The following AGMO variants were observed in gnomAD, a reference collection of about 807,000 sequenced individuals.
AGMO encodes the protein glyceryl-ether monooxygenase.
AGMO carries 75 observed loss-of-function variants against 60.2 expected under a neutral mutation model. That is an observed-to-expected ratio of 1.25 (90% CI 1.03 to 1.51). The LOEUF is 1.51. Among genes scored for constraint, AGMO ranks in the 40% most tolerant of loss-of-function variants. The probability of loss-of-function intolerance (pLI) is 0.00; values close to 1 mark genes in which losing one functional copy is unlikely to be tolerated. For missense variants in AGMO, 763 were observed against 525.5 expected (o/e 1.45, Z -4.42); for synonymous variants, 261 against 177.1 (o/e 1.47, Z -3.76).
intron 4 of AGMO, among the ~76,000 whole-genome samples, chr7:15,420,841 C>A (rs1230701986): frequency 1.3e-5 from 2 of 152,150 alleles, no homozygotes; most frequent in Non-Finnish European, 2.9e-5. Context: ...AAACCCATGT[C>A]ATTCTGACTC....
At chr7:15,290,187 C>T (rs889858603) in intron 12 of AGMO, among the ~76,000 whole-genome samples, 1 of 151,694 alleles carries the variant, frequency 6.6e-6, no homozygotes, top group Non-Finnish European at 1.5e-5. Flanking sequence ...GCGCCACACA[C>T]CTGGCTAATT....
chr7:15,429,961 G>C (rs934132168), intron 4 of AGMO, among the ~76,000 whole-genome samples: 11 of 151,398 alleles, frequency 7.3e-5, no homozygotes, highest in African/African-American at 2.7e-4. Flanking sequence ...AGAGCATTTA[G>C]AATGCAGAGA....
chr7:15,271,643 T>C (rs1040816466), intron 12 of AGMO, among the ~76,000 whole-genome samples: 6 of 152,172 alleles, frequency 3.9e-5, no homozygotes, highest in Admixed American at 6.5e-5. Context: ...CTTTTTCAAT[T>C]TGGATGCCTT....
chr7:15,144,884 C>T, the AGMO span, among the ~76,000 whole-genome samples: 1 of 152,330 alleles, frequency 6.6e-6, no homozygotes, highest in Non-Finnish European at 1.5e-5. Flanking sequence ...GGCTGGAGTG[C>T]AGTGGTGCGA....
At chr7:15,364,209 T>C (rs1782875157) in intron 12 of AGMO, among the ~76,000 whole-genome samples, 1 of 152,016 alleles carries the variant, frequency 6.6e-6, no homozygotes, top group Non-Finnish European at 1.5e-5. Context: ...AAGAATCTTC[T>C]GCTTCTTCCT....
At chr7:15,338,374 T>C (rs1225295136) in intron 12 of AGMO, among the ~76,000 whole-genome samples, 3 of 152,158 alleles carry the variant, frequency 2.0e-5, no homozygotes, top group Admixed American at 2.0e-4. Flanking sequence ...AGAAGGACAA[T>C]ATAATTGCAT....
chr7:15,352,692 A>G (rs1196406738), intron 12 of AGMO, among the ~76,000 whole-genome samples: 2 of 151,840 alleles, frequency 1.3e-5, no homozygotes, highest in Admixed American at 1.3e-4. Context: ...AGTCCCTGTC[A>G]TGTACTAGTG....
chr7:15,529,696 TTCCATATATACTATATATATACTATATAC>T (rs1784247435), intron 3 of AGMO, among the ~76,000 whole-genome samples: 1 of 103,782 alleles, frequency 9.6e-6, no homozygotes, highest in African/African-American at 3.7e-5. Context: ...AGAATATATA[TTCCATATATACTATATATATACTATATAC>T]TCTATATATA....
At position 15,354,480 on chromosome 7, in the gene AGMO, GTGTATATACACACGTGTATA is replaced by G. The variant is rs1563105852; in HGVS notation, c.1263+11014_1263+11033del. Among the ~76,000 whole-genome samples the G allele has an allele frequency of 1.1e-3, 19 of 17,452 alleles. 1 individual carries two copies. Among genetic ancestry groups the G allele is most frequent in the African/African-American group, 4.3e-3 (14 of 3,246 alleles). 11.4% of individuals were successfully genotyped at this position (17,452 alleles called of 152,430 possible). ...TACACACGTGTGTGTATACACACGT[GTGTATATACACACGTGTATA>G]TATATATATATATATATATATATAT... is the stretch of plus-strand genomic sequence containing the variant. On this transcript the variant is annotated intron_variant, in intron 12 of 12. Coordinates refer to ENST00000342526, the MANE Select transcript of AGMO (RefSeq NM_001004320.2).
chr7:15,403,389 C>A (rs1784606097), intron 5 of AGMO, among the ~76,000 whole-genome samples: 1 of 151,770 alleles, frequency 6.6e-6, no homozygotes, highest in Non-Finnish European at 1.5e-5. Flanking sequence ...TTCATTTATT[C>A]TCTGGTTATT....
At chr7:15,199,427 A>G (rs886872838), downstream of AGMO, among the ~76,000 whole-genome samples, 1 of 152,184 alleles carries the variant, frequency 6.6e-6, no homozygotes, top group African/African-American at 2.4e-5. Flanking sequence ...TATTAAACTC[A>G]TTTTTAGGCT....
chr7:15,349,980 T>C (rs1394639245), intron 12 of AGMO, among the ~76,000 whole-genome samples: 2 of 152,136 alleles, frequency 1.3e-5, no homozygotes, highest in Admixed American at 1.3e-4. Flanking sequence ...ATATCAAATG[T>C]GAACAAATGG....
chr7:15,236,636 T>A (rs1782429625), intron 12 of AGMO, among the ~76,000 whole-genome samples: 1 of 152,104 alleles, frequency 6.6e-6, no homozygotes, highest in Non-Finnish European at 1.5e-5. Flanking sequence ...ATGATATTAT[T>A]GAAAGATCTG....
chr7:15,330,814 T>TG (rs1781476655), intron 12 of AGMO, among the ~76,000 whole-genome samples: 1 of 151,584 alleles, frequency 6.6e-6, no homozygotes. Flanking sequence ...CTCTCCTTAT[T>TG]TTTTTTTAAT....
At chr7:15,244,588 C>G (rs950625742) in intron 12 of AGMO, among the ~76,000 whole-genome samples, 1 of 152,222 alleles carries the variant, frequency 6.6e-6, no homozygotes, top group East Asian at 1.9e-4. Context: ...GAGACCAGTA[C>G]TTCTTTTCTG....
At chr7:15,188,571 A>G in the AGMO span, among the ~76,000 whole-genome samples, 1 of 152,234 alleles carries the variant, frequency 6.6e-6, no homozygotes, top group Admixed American at 6.5e-5. Context: ...TGTGGTTAGT[A>G]TAATGAGACT....
chr7:15,365,614 T>C lies in AGMO; in HGVS notation c.1163A>G (p.Lys388Arg), dbSNP rs753822252. ...ACGGAGAGTTTCCATAATAGCTGCCTTGGGTCTGAAATAAAATGTCATTAA... is the reference window on the plus strand; with the variant it reads ...ACGGAGAGTTTCCATAATAGCTGCCCTGGGTCTGAAATAAAATGTCATTAA... Reference protein sequence around the residue: ...SIGFLLDQRPKAAIMETLRCL... With the variant: ...SIGFLLDQRPRAAIMETLRCL... The change falls in exon 12 of 13, where the codon AAG becomes AGG. Residue 388 changes from lysine to arginine, a missense_variant. Transcript: ENST00000342526. 108 of 1,611,222 alleles carry C rather than the reference T, an allele frequency of 6.7e-5. 3 individuals carry two copies. In the South Asian group the frequency reaches 1.1e-3, roughly 17 times the overall value.
chr7:15,185,845 A>G, the AGMO span, among the ~76,000 whole-genome samples: 1 of 152,224 alleles, frequency 6.6e-6, no homozygotes, highest in Non-Finnish European at 1.5e-5. Flanking sequence ...TTGGCCTAGA[A>G]TCAAAATTAA....
At chr7:15,365,397 A>AAAAAAAAAAAAAATT in intron 12 of AGMO, 117 bp downstream of exon 12, 1 of 486,326 alleles carries the variant, frequency 2.1e-6, no homozygotes, top group Non-Finnish European at 3.6e-6. Context: ...AAAAAAAAAG[A>AAAAAAAAAAAAAATT]TCAAGATTTC....
Sources: gnomAD v4.1 joint callset for allele counts (sites outside exome capture counted in the v4.1 genomes callset) on GRCh38, gnomAD v4.1.1 for gene constraint, MANE v1.5 for transcripts, NCBI Gene and HGNC (gene_info 2026-07-23, HGNC 2026-07-21) for gene names.